Variants in SAMMSON observed in about 807,000 individuals in gnomAD.
SAMMSON encodes long intergenic non-protein coding RNA 1212.
intron 3 of SAMMSON, chr3:70,069,285 T>C (rs2067221358): frequency 6.6e-6 from 1 of 152,122 alleles, no homozygotes; most frequent in African/African-American, 2.4e-5. Context: ...CACTTTTCAA[T>C]CAGTAGCTTT....
At chr3:70,406,291 G>A (rs758066239) in intron 2 of SAMMSON, among the ~76,000 whole-genome samples, 1 of 152,062 alleles carries the variant, frequency 6.6e-6, no homozygotes, top group Non-Finnish European at 1.5e-5. Flanking sequence ...AGTGCTGAAA[G>A]AAAAATAAGT....
intron 4 of SAMMSON, among the ~76,000 whole-genome samples, chr3:70,229,922 T>G (rs985549310): frequency 6.6e-6 from 1 of 152,174 alleles, no homozygotes; most frequent in Non-Finnish European, 1.5e-5. Context: ...AAGAATATTT[T>G]GGGGTATATA....
intron 2 of SAMMSON, among the ~76,000 whole-genome samples, chr3:70,409,560 AG>A (rs1447554111): frequency 1.3e-5 from 2 of 152,086 alleles, no homozygotes; most frequent in African/African-American, 4.8e-5. Flanking sequence ...ACTGGCTCCA[AG>A]TAATTATAAG....
At chr3:70,121,860 A>G (rs1257540378) in intron 4 of SAMMSON, among the ~76,000 whole-genome samples, 1 of 151,982 alleles carries the variant, frequency 6.6e-6, no homozygotes, top group East Asian at 1.9e-4. Context: ...GCATTCTCCC[A>G]TTTGAAAGTG....
At position 70,115,500 on chromosome 3, in the gene SAMMSON, A is replaced by G. The variant is rs111422160; in HGVS notation, n.507+43935A>G. Among the ~76,000 whole-genome samples, 1,454 of 152,248 alleles carry G rather than the reference A, an allele frequency of 9.6e-3. 16 individuals are homozygous for G. The highest frequency in any genetic ancestry group is 0.033 in the African/African-American group (1,364 of 41,566). ...ATACTTACGTATCTAGTTTAAATTA[A>G]GCTAATTAGGATACAAGCATCCACA... On this transcript the variant is annotated intron_variant and non_coding_transcript_variant, in intron 4 of 9. Transcript: ENST00000642114.
chr3:70,106,177 T>C (rs1344163515), intron 4 of SAMMSON, among the ~76,000 whole-genome samples: 2 of 152,148 alleles, frequency 1.3e-5, no homozygotes, highest in African/African-American at 4.8e-5. Flanking sequence ...GAATAAAATA[T>C]ATGGGCATAA....
At chr3:70,064,975 G>A (rs1442168224) in intron 3 of SAMMSON, among the ~76,000 whole-genome samples, 1 of 152,010 alleles carries the variant, frequency 6.6e-6, no homozygotes, top group Non-Finnish European at 1.5e-5. Flanking sequence ...TATCTTTAAT[G>A]CAATGTAATG....
At chr3:70,327,295 A>G (rs1272144955) in intron 7 of SAMMSON, among the ~76,000 whole-genome samples, 1 of 152,200 alleles carries the variant, frequency 6.6e-6, no homozygotes, top group Non-Finnish European at 1.5e-5. Context: ...AAGCATACAA[A>G]CAAACATATA....
chr3:70,061,478 C>T (rs2067190326), intron 3 of SAMMSON, among the ~76,000 whole-genome samples: 1 of 152,120 alleles, frequency 6.6e-6, no homozygotes, highest in African/African-American at 2.4e-5. Flanking sequence ...ATCTTTTCTG[C>T]TTGTCTTGAA....
chr3:70,132,532 C>T (rs988871552), intron 4 of SAMMSON, among the ~76,000 whole-genome samples: 6 of 152,064 alleles, frequency 3.9e-5, no homozygotes, highest in African/African-American at 1.4e-4. Flanking sequence ...CTTATTCTTC[C>T]CAGCCTCAAG....
intron 4 of SAMMSON, among the ~76,000 whole-genome samples, chr3:70,158,458 G>A (rs1482918369): frequency 4.6e-5 from 7 of 151,874 alleles, no homozygotes; most frequent in Admixed American, 6.6e-5. Flanking sequence ...TTCACCAGTT[G>A]ATGAACATTT....
At chr3:70,034,449 T>C (rs2067077905) in intron 3 of SAMMSON, among the ~76,000 whole-genome samples, 1 of 152,076 alleles carries the variant, frequency 6.6e-6, no homozygotes, top group African/African-American at 2.4e-5. Flanking sequence ...AAAAAGAAAA[T>C]GTTTAAGCCT....
chr3:70,077,885 G>T (rs1440373156), intron 4 of SAMMSON, among the ~76,000 whole-genome samples: 1 of 152,128 alleles, frequency 6.6e-6, no homozygotes, highest in African/African-American at 2.4e-5. Context: ...CTTTCCCTTT[G>T]CATTCACTCC....
intron 4 of SAMMSON, among the ~76,000 whole-genome samples, chr3:70,085,094 A>G (rs753070031): frequency 6.6e-6 from 1 of 152,168 alleles, no homozygotes; most frequent in Non-Finnish European, 1.5e-5. Context: ...TCATATTAGG[A>G]AGTGGCATGG....
chr3:70,099,829 T>A (rs995986891), intron 4 of SAMMSON, among the ~76,000 whole-genome samples: 8 of 152,158 alleles, frequency 5.3e-5, no homozygotes, highest in African/African-American at 1.9e-4. Flanking sequence ...CATAACCCAA[T>A]ATTCTGGGGA....
Position 70,216,272 on chromosome 3 carries a change from T to C in SAMMSON, n.508-32835T>C, listed in dbSNP as rs538321001. On this transcript the variant is annotated intron_variant and non_coding_transcript_variant, in intron 4 of 9. Transcript: ENST00000642114. The stretch of plus-strand genomic sequence containing the variant: ...AACATAATTAGATTAATAACAAATA[T>C]ACTATTCTAATTAGATATCTGATTA... 8.6e-5 allele frequency among the ~76,000 whole-genome samples: 13 copies of C among 150,378 alleles called. 1 individual carries two copies.
rs1013988758 is a variant in SAMMSON, at chr3:70,433,221, G to A, written n.234-29339G>A. On this transcript the variant is annotated intron_variant and non_coding_transcript_variant, in intron 2 of 3. Transcript: ENST00000641053. ...TATATAATAAGGGTATGTTTAGTTT[G>A]GTAAGAAGTTGCTAAGCTGTCTTCC... Among the ~76,000 whole-genome samples the A allele has an allele frequency of 2.0e-5, 3 of 152,064 alleles. No homozygotes were observed. The East Asian group carries it at 5.8e-4, about 29-fold the overall frequency.
intron 4 of SAMMSON, among the ~76,000 whole-genome samples, chr3:70,139,204 CTT>C (rs535313850): frequency 1.1e-4 from 17 of 152,166 alleles, no homozygotes; most frequent in Middle Eastern, 3.4e-3. Flanking sequence ...ACCCAGATAA[CTT>C]TTAAATTTTT....
chr3:70,309,129 G>T (rs1416126026), intron 7 of SAMMSON, among the ~76,000 whole-genome samples: 1 of 152,122 alleles, frequency 6.6e-6, no homozygotes, highest in Non-Finnish European at 1.5e-5. Context: ...GATAACTGTT[G>T]TGGAAGTCAC....
Sources: allele counts gnomAD v4.1 joint callset (sites outside exome capture counted in the v4.1 genomes callset), GRCh38; gene constraint gnomAD v4.1.1; transcripts MANE v1.5; gene names NCBI Gene and HGNC (gene_info 2026-07-23, HGNC 2026-07-21).